PHF24: variants seen among roughly 807,000 people sequenced by gnomAD.
PHF24 encodes Galpha inhibitory interacting protein.
In PHF24, 25 loss-of-function variants were observed where a neutral mutation model predicts 42.6. That is an observed-to-expected ratio of 0.59 (90% confidence interval 0.43 to 0.82). PHF24 has a LOEUF of 0.82. Among genes scored for constraint, PHF24 ranks in the 40% least tolerant of loss-of-function variants. The pLI is 0.00. For synonymous variants in PHF24, 185 were observed against 204.8 expected, an observed-to-expected ratio of 0.90 and a Z score of 0.83; for missense variants, 470 against 538.1, an observed-to-expected ratio of 0.87 and a Z score of 1.25.
At chr9:34,818,567 C>T in the PHF24 span, among the ~76,000 whole-genome samples, 1 of 152,024 alleles carries the variant, frequency 6.6e-6, no homozygotes, top group Non-Finnish European at 1.5e-5. Flanking sequence ...ATATATTGTT[C>T]AATTTGTTTG....
At chr9:34,763,790 G>A in the PHF24 span, among the ~76,000 whole-genome samples, 14 of 152,052 alleles carry the variant, frequency 9.2e-5, no homozygotes, top group African/African-American at 1.2e-4. Flanking sequence ...TTCAAAGGGA[G>A]TGCTTCCAGT....
chr9:34,816,075 T>G, the PHF24 span, among the ~76,000 whole-genome samples: 1,003 of 151,736 alleles, frequency 6.6e-3, 11 homozygotes, highest in African/African-American at 0.021. Flanking sequence ...AGCTTTTTTA[T>G]TTTTTATTTT....
At chr9:34,693,162 T>A in the PHF24 span, among the ~76,000 whole-genome samples, 790 of 152,298 alleles carry the variant, frequency 5.2e-3, 13 homozygotes, top group East Asian at 0.03. Context: ...TTTCCATTGA[T>A]CTATCCATTC....
the PHF24 span, among the ~76,000 whole-genome samples, chr9:34,720,878 A>G: frequency 6.6e-6 from 1 of 151,924 alleles, no homozygotes; most frequent in Non-Finnish European, 1.5e-5. Flanking sequence ...CTCACAACCA[A>G]CTGCTTGGGA....
At chr9:34,724,428 C>T in the PHF24 span, 3 of 1,551,134 alleles carry the variant, frequency 1.9e-6, no homozygotes, top group African/African-American at 1.4e-5. Context: ...AGCAATGTCT[C>T]CCCTTGGTGG....
At chr9:34,792,301 C>T in the PHF24 span, among the ~76,000 whole-genome samples, 18 of 152,154 alleles carry the variant, frequency 1.2e-4, no homozygotes, top group Admixed American at 1.2e-3. Flanking sequence ...ATTACCACTA[C>T]ATGGAGGCAG....
the PHF24 span, among the ~76,000 whole-genome samples, chr9:34,679,109 T>A: frequency 7.9e-5 from 12 of 152,316 alleles, no homozygotes; most frequent in East Asian, 2.3e-3. Flanking sequence ...GTGAATCAAG[T>A]ATTAGTGATG....
the PHF24 span, among the ~76,000 whole-genome samples, chr9:34,765,219 C>T: frequency 6.6e-6 from 1 of 152,106 alleles, no homozygotes; most frequent in Non-Finnish European, 1.5e-5. Context: ...ATTAAGTCCG[C>T]TTGGTGCAGA....
the PHF24 span, among the ~76,000 whole-genome samples, chr9:34,902,300 A>G: frequency 3.3e-5 from 5 of 152,184 alleles, no homozygotes; most frequent in Non-Finnish European, 5.9e-5. Flanking sequence ...CAACCAAACA[A>G]AATAATTACA....
chr9:34,949,322 G>T, the PHF24 span, among the ~76,000 whole-genome samples: 1 of 152,040 alleles, frequency 6.6e-6, no homozygotes, highest in Admixed American at 6.6e-5. Flanking sequence ...CAGTTAGATT[G>T]GTGATCTTTA....
the PHF24 span, among the ~76,000 whole-genome samples, chr9:34,751,957 G>T: frequency 2.0e-5 from 3 of 151,876 alleles, no homozygotes; most frequent in Admixed American, 6.6e-5. Flanking sequence ...TGACCAGTGG[G>T]TCAATGAAAA....
chr9:34,703,851 C>A, the PHF24 span, among the ~76,000 whole-genome samples: 1 of 151,960 alleles, frequency 6.6e-6, no homozygotes, highest in Non-Finnish European at 1.5e-5. Flanking sequence ...CAGGTGTGTG[C>A]CACCGCACCT....
At chr9:34,863,471 A>G in the PHF24 span, among the ~76,000 whole-genome samples, 1 of 151,144 alleles carries the variant, frequency 6.6e-6, no homozygotes, top group Non-Finnish European at 1.5e-5. Context: ...ATTTGGGAGA[A>G]AGTAAGGGAA....
the PHF24 span, among the ~76,000 whole-genome samples, chr9:34,941,484 G>A: frequency 6.6e-6 from 1 of 152,164 alleles, no homozygotes; most frequent in Non-Finnish European, 1.5e-5. Flanking sequence ...TGGTAGCAAA[G>A]ACAAACCCAT....
the PHF24 span, chr9:34,728,224 C>T: frequency 5.1e-5 from 35 of 690,566 alleles, no homozygotes; most frequent in East Asian, 9.6e-4. Flanking sequence ...TGTCTGAGTA[C>T]AGCATCGCTG....
intron 3 of PHF24, among the ~76,000 whole-genome samples, chr9:34,973,139 C>T (rs920727382): frequency 6.6e-6 from 1 of 152,096 alleles, no homozygotes; most frequent in Admixed American, 6.5e-5. Flanking sequence ...AACCTCTGAG[C>T]TAGGAGATTG....
the PHF24 span, chr9:34,689,526 G>GGAGTGGAGAAA: frequency 2.5e-6 from 1 of 394,370 alleles, no homozygotes; most frequent in Non-Finnish European, 4.5e-6. This position sits in a 1 kb window ranked among gnomAD's most constrained non-coding sequence, Gnocchi z 4.1. Flanking sequence ...TTAAGCAGTA[G>GGAGTGGAGAAA]GAGTGGAGAA....
chr9:34,831,648 G>A, the PHF24 span, among the ~76,000 whole-genome samples: 2 of 152,024 alleles, frequency 1.3e-5, no homozygotes, highest in African/African-American at 4.8e-5. Flanking sequence ...TCATGTCCTG[G>A]TCAGGCATGA....
the PHF24 span, among the ~76,000 whole-genome samples, chr9:34,676,043 A>G: frequency 2.0e-5 from 3 of 152,244 alleles, no homozygotes; most frequent in East Asian, 5.8e-4. Flanking sequence ...GAGAGGCTAT[A>G]TGTGTGTGGG....
Sources: allele counts gnomAD v4.1 joint callset (sites outside exome capture counted in the v4.1 genomes callset), GRCh38; gene constraint gnomAD v4.1.1; non-coding constraint Gnocchi (gnomAD v3.1); transcripts MANE v1.5; gene names NCBI Gene and HGNC (gene_info 2026-07-23, HGNC 2026-07-21).